SLC2A13: variants seen among roughly 807,000 people sequenced by gnomAD.
SLC2A13 encodes proton myo-inositol cotransporter.
Under a neutral mutation model 64.4 loss-of-function variants are expected in SLC2A13, and 32 were observed. The observed-to-expected ratio is 0.50, with a 90% confidence interval of 0.37 to 0.67. The LOEUF is 0.67. SLC2A13 is among the 30% of genes least tolerant of loss of function. SLC2A13 has a pLI of 0.00. For missense variants in SLC2A13, 743 were observed against 829.2 expected (o/e 0.90, Z 1.28); for synonymous variants, 338 against 327.1 (o/e 1.03, Z -0.36).
chr12:40,055,422 T>C lies in SLC2A13; in HGVS notation c.557-7212A>G, dbSNP rs79030244. 7.3e-3 allele frequency among the ~76,000 whole-genome samples: 1,112 copies of C among 152,340 alleles called. 11 individuals carry two copies. Among genetic ancestry groups the C allele is most frequent in the African/African-American group, 0.025 (1,041 of 41,598 alleles). Reference sequence around the variant, plus strand: ...TGCTTGAGAATCTTCTATCTGTCTATGTCCTTTTTCACTGGTAACATCCCA... The same window carrying C: ...TGCTTGAGAATCTTCTATCTGTCTACGTCCTTTTTCACTGGTAACATCCCA... On this transcript the variant is annotated intron_variant, in intron 1 of 9. Coordinates refer to ENST00000280871, the MANE Select transcript of SLC2A13 (RefSeq NM_052885.4).
intron 4 of SLC2A13, among the ~76,000 whole-genome samples, chr12:39,921,076 T>A (rs1249065993): frequency 6.6e-6 from 1 of 152,028 alleles, no homozygotes; most frequent in Admixed American, 6.6e-5. Flanking sequence ...ACAAACAAAA[T>A]TGAAAATATA....
intron 3 of SLC2A13, among the ~76,000 whole-genome samples, chr12:39,984,763 A>G (rs1946997933): frequency 6.6e-6 from 1 of 152,190 alleles, no homozygotes; most frequent in African/African-American, 2.4e-5. Context: ...AAAATGGAGA[A>G]TATCCTACAG....
At chr12:40,084,813 C>A (rs777848250) in intron 1 of SLC2A13, among the ~76,000 whole-genome samples, 4 of 152,122 alleles carry the variant, frequency 2.6e-5, no homozygotes, top group Non-Finnish European at 4.4e-5. Flanking sequence ...CTCCTAAAAT[C>A]CTTAGACTCT....
chr12:39,812,608 G>A (rs1465137396), intron 7 of SLC2A13, among the ~76,000 whole-genome samples: 2 of 151,806 alleles, frequency 1.3e-5, no homozygotes, highest in African/African-American at 4.8e-5. Flanking sequence ...GAGTAGCTAG[G>A]ACTACAGGCG....
chr12:39,986,845 G>A (rs563715356), intron 3 of SLC2A13, among the ~76,000 whole-genome samples: 12 of 152,124 alleles, frequency 7.9e-5, no homozygotes, highest in South Asian at 2.1e-4. Context: ...TTATTTCCTC[G>A]AAGGCAACAA....
chr12:39,916,941 C>T (rs1010440417), intron 4 of SLC2A13, among the ~76,000 whole-genome samples: 1 of 152,056 alleles, frequency 6.6e-6, no homozygotes, highest in African/African-American at 2.4e-5. Flanking sequence ...TCCTTCTCTA[C>T]CTTAGGTGAT....
chr12:39,868,608 G>A (rs1943965880), intron 5 of SLC2A13, among the ~76,000 whole-genome samples: 1 of 152,154 alleles, frequency 6.6e-6, no homozygotes, highest in East Asian at 1.9e-4. Context: ...CCGTCTGTGA[G>A]TGAAGTTTTC....
At chr12:39,882,831 C>T (rs558985458) in intron 4 of SLC2A13, among the ~76,000 whole-genome samples, 6 of 152,260 alleles carry the variant, frequency 3.9e-5, no homozygotes, top group African/African-American at 1.4e-4. Flanking sequence ...TTTATCTATA[C>T]CTCTTTTAGT....
intron 3 of SLC2A13, among the ~76,000 whole-genome samples, chr12:40,023,725 T>G (rs1458905403): frequency 6.6e-6 from 1 of 152,226 alleles, no homozygotes; most frequent in Admixed American, 6.5e-5. Context: ...GACCCTACTT[T>G]TAATATCATC....
intron 6 of SLC2A13, among the ~76,000 whole-genome samples, chr12:39,834,490 T>C (rs1942951026): frequency 6.6e-6 from 1 of 152,030 alleles, no homozygotes; most frequent in African/African-American, 2.4e-5. Context: ...TTCAAATCTC[T>C]CCCAAAACAT....
intron 3 of SLC2A13, among the ~76,000 whole-genome samples, chr12:40,023,280 G>A (rs1204222249): frequency 6.6e-6 from 1 of 152,118 alleles, no homozygotes; most frequent in African/African-American, 2.4e-5. Flanking sequence ...GCCTTAGCAC[G>A]CCCACTTCAG....
chr12:39,882,057 G>C (rs1944349984), intron 4 of SLC2A13, among the ~76,000 whole-genome samples: 1 of 151,974 alleles, frequency 6.6e-6, no homozygotes, highest in African/African-American at 2.4e-5. Flanking sequence ...ATTCCCCACT[G>C]ACATAATATG....
chr12:39,764,065 T>TG (rs1337810673), intron 9 of SLC2A13, among the ~76,000 whole-genome samples: 1 of 152,110 alleles, frequency 6.6e-6, no homozygotes, highest in African/African-American at 2.4e-5. Context: ...CTGGACGCTA[T>TG]GCCTGTCACA....
intron 7 of SLC2A13, among the ~76,000 whole-genome samples, chr12:39,783,743 TC>T: frequency 6.6e-6 from 1 of 152,196 alleles, no homozygotes; most frequent in South Asian, 2.1e-4. Flanking sequence ...TTGTTTGAGT[TC>T]TTTGTAGATT....
At chr12:39,781,719 A>G (rs919600360) in intron 7 of SLC2A13, among the ~76,000 whole-genome samples, 6 of 152,224 alleles carry the variant, frequency 3.9e-5, no homozygotes, top group African/African-American at 1.4e-4. Flanking sequence ...ACACACAAAC[A>G]CATAGACAAG....
chr12:40,071,668 G>C (rs947638157), intron 1 of SLC2A13, among the ~76,000 whole-genome samples: 1 of 152,018 alleles, frequency 6.6e-6, no homozygotes, highest in Non-Finnish European at 1.5e-5. Context: ...ATGATATATT[G>C]TATCTTTCAG....
intron 3 of SLC2A13, among the ~76,000 whole-genome samples, chr12:40,009,755 C>T (rs948333950): frequency 3.3e-5 from 5 of 152,084 alleles, no homozygotes; most frequent in Admixed American, 3.3e-4. Context: ...TTAACAAGCT[C>T]AAGATAAGAG....
rs1188320947 is a variant in SLC2A13 at position 39,979,917 on chromosome 12, CAG to C, written c.926-28554_926-28553del. Reference sequence around the variant, plus strand: ...TGAAGGAAAAAATGTTAAGGGCAGCCAGAGAGAAAGGTCGGGTTACCCTCAAA... The same window carrying C: ...TGAAGGAAAAAATGTTAAGGGCAGCCAGAGAAAGGTCGGGTTACCCTCAAA... On this transcript the variant is annotated intron_variant, in intron 3 of 9. Coordinates refer to ENST00000280871, the MANE Select transcript of SLC2A13 (RefSeq NM_052885.4). 4.6e-4 allele frequency among the ~76,000 whole-genome samples: 64 copies of C among 139,628 alleles called. 1 individual carries two copies. The highest frequency in any genetic ancestry group is 1.7e-3 in the African/African-American group (62 of 37,360). The allele number at this position is 139,628 out of a possible 152,430, so 91.6% of individuals were successfully genotyped here.
chr12:39,837,309 C>T (rs1190373666), intron 6 of SLC2A13, among the ~76,000 whole-genome samples: 1 of 147,370 alleles, frequency 6.8e-6, no homozygotes, highest in African/African-American at 2.5e-5. Flanking sequence ...GAAACTGGAT[C>T]CCTTCCTTAC....
Sources: allele counts gnomAD v4.1 joint callset (sites outside exome capture counted in the v4.1 genomes callset), GRCh38; gene constraint gnomAD v4.1.1; transcripts MANE v1.5; gene names NCBI Gene and HGNC (gene_info 2026-07-23, HGNC 2026-07-21).